Variants in FER1L6 observed in about 807,000 individuals in gnomAD.
The protein encoded by FER1L6 is fer-1 like family member 6.
FER1L6 carries 177 observed loss-of-function variants against 219.2 expected under a neutral mutation model. The ratio of observed to expected loss-of-function variants is 0.81; its 90% CI spans 0.71 to 0.91. The LOEUF is 0.91. Ranked by LOEUF, FER1L6 falls within the 40% of genes least tolerant of loss-of-function variation. The pLI is 0.00. For synonymous variants in FER1L6, 768 were observed against 824.3 expected (o/e 0.93, Z 1.17); for missense variants, 2,153 against 2,259.9 (o/e 0.95, Z 0.96).
rs755418336 is a variant in FER1L6 at position 124,049,752 on chromosome 8, T to C, written c.2870T>C (p.Leu957Pro). ...GATCTCCTTGCTGTATTTGAACTGC[T>C]GCAGGTGAGTGAACCAGATGTGGCA... ...GGDLLAVFEL[L>P]QVPPSGLQGL... Residue 957 changes from leucine to proline, a missense_variant, in exon 22 of 41, where the codon CTG (leucine) becomes CCG (proline). Leu to Pro is a moderately conservative substitution (Grantham distance 98). Coordinates refer to ENST00000522917, the MANE Select transcript of FER1L6 (RefSeq NM_001039112.2). 3.7e-6 allele frequency: 6 copies of C among 1,613,860 alleles called. No individual in the cohort carries two copies. The African/African-American group carries it at 8.0e-5, about 22-fold the overall frequency.
At chr8:124,096,204 C>A (rs1305161234) in intron 35 of FER1L6, among the ~76,000 whole-genome samples, 1 of 151,410 alleles carries the variant, frequency 6.6e-6, no homozygotes, top group Non-Finnish European at 1.5e-5. Context: ...CATCTGGTTA[C>A]TAGGATCCTT....
intron 1 of FER1L6, 70 bp from the exon 2 acceptor site, chr8:123,955,922 T>G: frequency 1.1e-5 from 16 of 1,428,372 alleles, no homozygotes; most frequent in Admixed American, 2.0e-5. Context: ...TGTGTTTTTG[T>G]GTTTACCTTC....
At chr8:123,970,383 G>A (rs183834579) in intron 6 of FER1L6, among the ~76,000 whole-genome samples, 3 of 152,268 alleles carry the variant, frequency 2.0e-5, no homozygotes, top group South Asian at 2.1e-4. Context: ...TGTGAGACAC[G>A]TGCTTCAAGT....
intron 1 of FER1L6, among the ~76,000 whole-genome samples, chr8:123,879,601 A>C (rs565254333): frequency 2.0e-5 from 3 of 152,262 alleles, no homozygotes; most frequent in East Asian, 3.9e-4. Flanking sequence ...CTGGGATTAC[A>C]GGCATGAACC....
chr8:124,045,735 AT>A, intron 20 of FER1L6, 31 bp from the exon 21 acceptor site: 1 of 1,612,860 alleles, frequency 6.2e-7, no homozygotes, highest in Non-Finnish European at 8.5e-7. Context: ...CAATTGAATG[AT>A]CTTTTGCTTT....
At chr8:123,917,690 C>T (rs937017973) in intron 1 of FER1L6, among the ~76,000 whole-genome samples, 1 of 152,174 alleles carries the variant, frequency 6.6e-6, no homozygotes, top group African/African-American at 2.4e-5. Flanking sequence ...AATACTACCT[C>T]CCAGAGAGAA....
chr8:123,873,735 G>C (rs1032254183), intron 1 of FER1L6, among the ~76,000 whole-genome samples: 1 of 152,054 alleles, frequency 6.6e-6, no homozygotes, highest in Non-Finnish European at 1.5e-5. Context: ...TGTCTACATG[G>C]ATGATCATGT....
chr8:124,021,745 C>A, intron 17 of FER1L6, 76 bp downstream of exon 17: 1 of 1,542,638 alleles, frequency 6.5e-7, no homozygotes, highest in Non-Finnish European at 8.9e-7. Flanking sequence ...ATGGTTGGTA[C>A]GGGTGAAATA....
intron 37 of FER1L6, among the ~76,000 whole-genome samples, chr8:124,100,143 T>G (rs1244830059): frequency 4.6e-5 from 7 of 152,110 alleles, no homozygotes; most frequent in Non-Finnish European, 1.0e-4. Context: ...ACTCCCCTCC[T>G]CCCTGCCCTG....
intron 1 of FER1L6, among the ~76,000 whole-genome samples, chr8:123,884,265 G>C (rs575443084): frequency 6.6e-6 from 1 of 152,170 alleles, no homozygotes; most frequent in Non-Finnish European, 1.5e-5. Flanking sequence ...CCCTCTAAAT[G>C]GTCCTCCAAT....
intron 1 of FER1L6, among the ~76,000 whole-genome samples, chr8:123,936,282 C>T (rs901285476): frequency 2.6e-5 from 4 of 152,116 alleles, no homozygotes; most frequent in South Asian, 2.1e-4. Context: ...ACAAGTTCAA[C>T]GAGAAGGCTA....
chr8:123,931,328 C>G (rs1169984558), intron 1 of FER1L6, among the ~76,000 whole-genome samples: 1 of 152,180 alleles, frequency 6.6e-6, no homozygotes, highest in East Asian at 1.9e-4. Flanking sequence ...AGAATCAGCT[C>G]TCTTTCTCTT....
chr8:124,098,091 A>G (rs1340559522), intron 37 of FER1L6, among the ~76,000 whole-genome samples: 3 of 152,210 alleles, frequency 2.0e-5, no homozygotes, highest in East Asian at 3.8e-4. Flanking sequence ...TTTTATGAGG[A>G]AATCTTATTA....
At chr8:124,039,197 T>C (rs1361553990) in intron 19 of FER1L6, among the ~76,000 whole-genome samples, 1 of 152,224 alleles carries the variant, frequency 6.6e-6, no homozygotes, top group Non-Finnish European at 1.5e-5. Context: ...TCTTATCTTC[T>C]GCCTTCTCCC....
At chr8:123,856,450 A>T (rs866196375) in intron 1 of FER1L6, among the ~76,000 whole-genome samples, 1 of 150,780 alleles carries the variant, frequency 6.6e-6, no homozygotes, top group African/African-American at 2.4e-5. Flanking sequence ...ACTTGGGTCC[A>T]GTTCCAAGCT....
At chr8:123,865,970 C>G (rs7005556) in intron 1 of FER1L6, among the ~76,000 whole-genome samples, 111,429 of 146,602 alleles carry the variant, frequency 0.76, 42,800 homozygotes, top group South Asian at 0.86. Context: ...AGCTGTAGAC[C>G]GGAGCTGTTC....
At chr8:124,062,054 TTGTAGC>T in intron 25 of FER1L6, 22 bp downstream of exon 25, 1 of 1,613,160 alleles carries the variant, frequency 6.2e-7, no homozygotes, top group East Asian at 2.2e-5. Flanking sequence ...CTCTTAGATT[TTGTAGC>T]TGTAACTATA....
At chr8:124,060,745 C>G in intron 24 of FER1L6, 36 bp downstream of exon 24, 1 of 1,600,352 alleles carries the variant, frequency 6.2e-7, no homozygotes. Flanking sequence ...TGGCTCATTC[C>G]TCTTTTTTGC....
intron 1 of FER1L6, among the ~76,000 whole-genome samples, chr8:123,927,143 A>G (rs1813593785): frequency 6.8e-6 from 1 of 148,004 alleles, no homozygotes; most frequent in Admixed American, 6.8e-5. Context: ...GCCCAGGGTC[A>G]TAGATAGTCA....
Sources: allele counts gnomAD v4.1 joint callset (sites outside exome capture counted in the v4.1 genomes callset), GRCh38; gene constraint gnomAD v4.1.1; transcripts MANE v1.5; gene names NCBI Gene and HGNC (gene_info 2026-07-23, HGNC 2026-07-21).